Variants in C8orf34 observed in about 807,000 individuals in gnomAD.
C8orf34 encodes the protein chromosome 8 open reading frame 34.
A neutral mutation model predicts 68.3 loss-of-function variants in C8orf34; 65 were observed. That is an observed-to-expected ratio of 0.95 (90% CI 0.78 to 1.17). The LOEUF is 1.17. Ranked by LOEUF, C8orf34 falls within the 50% of genes most tolerant of loss-of-function variation. The pLI, the probability that C8orf34 is intolerant of heterozygous loss-of-function variation, is 0.00. For synonymous variants in C8orf34, 244 were observed against 241.2 expected (o/e 1.01, Z -0.11); for missense variants, 664 against 655.4 (o/e 1.01, Z -0.14).
In C8orf34 at chr8:68,457,953, T is replaced by C. The variant is rs151238311; in HGVS notation, c.608-10739T>C. Among the ~76,000 whole-genome samples the C allele has an allele frequency of 2.1e-3, 327 of 152,226 alleles. 1 individual carries two copies. Among genetic ancestry groups the C allele is most frequent in the African/African-American group, 7.1e-3 (294 of 41,542 alleles). On this transcript the variant is annotated intron_variant, in intron 3 of 13. Coordinates refer to ENST00000518698, the MANE Select transcript of C8orf34 (RefSeq NM_052958.4). ...TCAATCTATCAGAAAATTTTAGAGA[T>C]GTTCTCATCCAAAGACGGCATACCA... is the stretch of plus-strand genomic sequence containing the variant.
chr8:68,589,742 G>A (rs1817323098), intron 7 of C8orf34, among the ~76,000 whole-genome samples: 1 of 144,732 alleles, frequency 6.9e-6, no homozygotes, highest in Admixed American at 7.0e-5. Context: ...AGAGAAGGGA[G>A]AGAAGAGGAA....
chr8:68,458,852 A>G (rs1055584189), intron 3 of C8orf34, among the ~76,000 whole-genome samples: 2 of 152,252 alleles, frequency 1.3e-5, no homozygotes, highest in East Asian at 3.8e-4. Flanking sequence ...CAAGAAGCTC[A>G]GATGAGGCAG....
intron 7 of C8orf34, among the ~76,000 whole-genome samples, chr8:68,606,630 T>G (rs1202182321): frequency 6.6e-6 from 1 of 152,096 alleles, no homozygotes; most frequent in Non-Finnish European, 1.5e-5. Flanking sequence ...AATTTGTAGC[T>G]AAATCAACAC....
intron 5 of C8orf34, 79 bp from the exon 6 acceptor site, chr8:68,521,720 T>C: frequency 1.5e-6 from 2 of 1,313,846 alleles, no homozygotes; most frequent in Non-Finnish European, 2.1e-6. Context: ...CAGTCAAATA[T>C]CTAGGCAACT....
chr8:68,378,867 T>G (rs549348121), intron 1 of C8orf34, among the ~76,000 whole-genome samples: 1 of 152,320 alleles, frequency 6.6e-6, no homozygotes, highest in South Asian at 2.1e-4. Context: ...TAACTTTATT[T>G]TTAAAGTATG....
At chr8:68,724,665 A>G (rs1428790272) in intron 10 of C8orf34, among the ~76,000 whole-genome samples, 1 of 152,138 alleles carries the variant, frequency 6.6e-6, no homozygotes, top group African/African-American at 2.4e-5. Context: ...TATACAGCCT[A>G]TGCAGGTTAA....
intron 10 of C8orf34, among the ~76,000 whole-genome samples, chr8:68,752,679 C>A (rs183647520): frequency 1.3e-5 from 2 of 152,094 alleles, no homozygotes; most frequent in Non-Finnish European, 1.5e-5. Flanking sequence ...GTTGTGGATG[C>A]GCAGTGGAAG....
intron 7 of C8orf34, among the ~76,000 whole-genome samples, chr8:68,625,127 GACA>G (rs1404536833): frequency 2.6e-5 from 4 of 152,124 alleles, no homozygotes; most frequent in African/African-American, 9.7e-5. Context: ...ACTTTGAGCA[GACA>G]TGAATGTAGG....
upstream of C8orf34, chr8:68,330,950 TC>T: frequency 8.0e-7 from 1 of 1,250,464 alleles, no homozygotes; most frequent in Admixed American, 3.9e-5. Context: ...GCCTCGAATT[TC>T]CCCACTGCGC....
intron 1 of C8orf34, among the ~76,000 whole-genome samples, chr8:68,436,330 G>C (rs920753059): frequency 2.0e-5 from 3 of 152,282 alleles, no homozygotes; most frequent in African/African-American, 7.2e-5. Flanking sequence ...ATTGATATAA[G>C]TATGAACTAA....
intron 1 of C8orf34, among the ~76,000 whole-genome samples, chr8:68,343,814 G>A (rs779364482): frequency 3.3e-5 from 5 of 151,914 alleles, no homozygotes; most frequent in Admixed American, 2.0e-4. Context: ...GGCTAGTCTC[G>A]AACTCCTGAC....
intron 1 of C8orf34, among the ~76,000 whole-genome samples, chr8:68,334,394 T>C (rs1054667082): frequency 6.6e-6 from 1 of 151,652 alleles, no homozygotes; most frequent in Non-Finnish European, 1.5e-5. Context: ...TTTTGTAAGA[T>C]GTAATGGTTT....
rs143280439 is a variant in C8orf34, at chr8:68,492,253, G to A, written c.765+4202G>A. On this transcript the variant is annotated intron_variant, in intron 5 of 13. Transcript: ENST00000518698. ...TATTTATTTTATTTTTAATGGAGAT[G>A]GGGTCTCGCTTTGTCACCCAGGCTG... is the stretch of plus-strand genomic sequence containing the variant. Among the ~76,000 whole-genome samples, 1,137 of 151,960 alleles carry A rather than the reference G, an allele frequency of 7.5e-3. 8 individuals carry two copies. Among genetic ancestry groups the A allele is most frequent in the Non-Finnish European group, 0.011 (768 of 67,970 alleles).
At chr8:68,354,043 G>A (rs1038542052) in intron 1 of C8orf34, among the ~76,000 whole-genome samples, 1 of 151,904 alleles carries the variant, frequency 6.6e-6, no homozygotes, top group Admixed American at 6.6e-5. Flanking sequence ...TGTTGTTTGG[G>A]GAATTAACAT....
chr8:68,575,962 T>C (rs1438288495), intron 7 of C8orf34, among the ~76,000 whole-genome samples: 1 of 150,298 alleles, frequency 6.7e-6, no homozygotes. Context: ...GGTTGTTTTT[T>C]TTTTTTTTTT....
intron 3 of C8orf34, among the ~76,000 whole-genome samples, chr8:68,463,846 G>A (rs1174776366): frequency 6.6e-6 from 1 of 152,124 alleles, no homozygotes; most frequent in Non-Finnish European, 1.5e-5. Flanking sequence ...TACTGAATGG[G>A]CAAAAACTGG....
intron 8 of C8orf34, among the ~76,000 whole-genome samples, chr8:68,669,090 T>C (rs2130835461): frequency 6.6e-6 from 1 of 152,298 alleles, no homozygotes; most frequent in South Asian, 2.1e-4. Flanking sequence ...AAATTTGTGG[T>C]AATTTGTTAT....
At chr8:68,556,910 A>G (rs60521673) in intron 7 of C8orf34, among the ~76,000 whole-genome samples, 40,522 of 151,928 alleles carry the variant, frequency 0.27, 8,465 homozygotes, top group African/African-American at 0.59. Context: ...TCTTTCACAA[A>G]CCATATTTGC....
At chr8:68,402,983 A>C (rs941581942) in intron 1 of C8orf34, among the ~76,000 whole-genome samples, 1 of 152,198 alleles carries the variant, frequency 6.6e-6, no homozygotes, top group African/African-American at 2.4e-5. Flanking sequence ...CTCCCCAGTC[A>C]CTGGGAAGCA....
Sources: allele counts gnomAD v4.1 joint callset (sites outside exome capture counted in the v4.1 genomes callset), GRCh38; gene constraint gnomAD v4.1.1; transcripts MANE v1.5; gene names NCBI Gene and HGNC (gene_info 2026-07-23, HGNC 2026-07-21).